The following GFRA1 variants were observed in gnomAD, a reference collection of about 807,000 sequenced individuals.
The protein encoded by GFRA1 is GDNF family receptor alpha 1.
GFRA1 carries 16 observed loss-of-function variants against 51.6 expected under a neutral mutation model. That is an observed-to-expected ratio of 0.31 (90% CI 0.21 to 0.47). GFRA1 has a LOEUF of 0.47. Ranked by LOEUF, GFRA1 falls within the 20% of genes least tolerant of loss-of-function variation. GFRA1 has a pLI of 1.00. For synonymous variants in GFRA1, 270 were observed against 241.3 expected (o/e 1.12, Z -1.10); for missense variants, 530 against 594.3 (o/e 0.89, Z 1.13).
chr10:116,117,523 AGAT>A (rs1957457882), intron 6 of GFRA1, among the ~76,000 whole-genome samples: 1 of 35,814 alleles, frequency 2.8e-5, no homozygotes, highest in Non-Finnish European at 5.3e-5. Flanking sequence ...AGTGCAGGCC[AGAT>A]GGATGGATGG....
rs373344339 is a variant in GFRA1, at chr10:116,271,650, T to G, written c.40+340A>C. Among the ~76,000 whole-genome samples the G allele has an allele frequency of 1.4e-4, 22 of 152,246 alleles. 1 individual carries two copies. The East Asian group carries it at 3.9e-3, about 27-fold the overall frequency. On this transcript the variant is annotated intron_variant, in intron 2 of 10. Coordinates refer to ENST00000355422, the MANE Select transcript of GFRA1 (RefSeq NM_005264.8). ...TCCAAGTTTGCTCTCCCGGCCCCAA[T>G]GCTCCCCAACTCCACCTGCCCGCCG...
intron 5 of GFRA1, among the ~76,000 whole-genome samples, chr10:116,143,820 G>C (rs1286128875): frequency 6.6e-6 from 1 of 152,168 alleles, no homozygotes; most frequent in Non-Finnish European, 1.5e-5. Flanking sequence ...GAAGGGGGCT[G>C]TAATATAAGG....
intron 4 of GFRA1, among the ~76,000 whole-genome samples, chr10:116,236,900 A>G (rs1208726525): frequency 6.6e-6 from 1 of 152,250 alleles, no homozygotes; most frequent in Non-Finnish European, 1.5e-5. Context: ...GGACAACAAT[A>G]ATAGCAAAAA....
chr10:116,204,929 G>A (rs1964614165), intron 5 of GFRA1, among the ~76,000 whole-genome samples: 2 of 152,106 alleles, frequency 1.3e-5, no homozygotes, highest in Admixed American at 6.5e-5. Flanking sequence ...GAAAGGAGGA[G>A]GAAAGTAACC....
At chr10:116,184,133 T>C (rs891090388) in intron 5 of GFRA1, among the ~76,000 whole-genome samples, 1 of 152,134 alleles carries the variant, frequency 6.6e-6, no homozygotes, top group African/African-American at 2.4e-5. Context: ...CAATTGTTCA[T>C]GAAATGCATA....
At chr10:116,245,066 A>G (rs1447567964) in intron 4 of GFRA1, among the ~76,000 whole-genome samples, 6 of 152,196 alleles carry the variant, frequency 3.9e-5, no homozygotes, top group Non-Finnish European at 2.9e-5. Context: ...TAAAAATGCT[A>G]AAAGAAAATA....
At chr10:116,164,496 C>T (rs988090770) in intron 5 of GFRA1, among the ~76,000 whole-genome samples, 1 of 152,154 alleles carries the variant, frequency 6.6e-6, no homozygotes, top group Non-Finnish European at 1.5e-5. Flanking sequence ...ATCAAATAAG[C>T]TCCGGGCAGC....
At chr10:116,118,658 C>T (rs1053141298) in intron 6 of GFRA1, among the ~76,000 whole-genome samples, 7 of 152,184 alleles carry the variant, frequency 4.6e-5, no homozygotes, top group Non-Finnish European at 7.3e-5. Flanking sequence ...CATTCCTTTT[C>T]CATCCGCATT....
intron 4 of GFRA1, among the ~76,000 whole-genome samples, chr10:116,230,807 T>C (rs983337290): frequency 6.6e-6 from 1 of 152,140 alleles, no homozygotes; most frequent in Non-Finnish European, 1.5e-5. Context: ...TAAACTGTTA[T>C]GGAAATAAGT....
At chr10:116,089,449 A>T (rs1956236189) in intron 9 of GFRA1, among the ~76,000 whole-genome samples, 1 of 152,174 alleles carries the variant, frequency 6.6e-6, no homozygotes. Flanking sequence ...CACGCACAGA[A>T]AACTTCAGAG....
At chr10:116,085,199 T>G (rs956496782) in intron 9 of GFRA1, among the ~76,000 whole-genome samples, 2 of 152,240 alleles carry the variant, frequency 1.3e-5, no homozygotes, top group Non-Finnish European at 2.9e-5. Flanking sequence ...CAAACAGAAC[T>G]GCGTTTGGTT....
At chr10:116,250,876 C>A (rs546728966) in intron 4 of GFRA1, among the ~76,000 whole-genome samples, 2 of 152,214 alleles carry the variant, frequency 1.3e-5, no homozygotes, top group Non-Finnish European at 2.9e-5. Flanking sequence ...AGGGACCAGG[C>A]TCCCACCTTA....
intron 4 of GFRA1, among the ~76,000 whole-genome samples, chr10:116,261,201 G>A (rs1969275859): frequency 6.6e-6 from 1 of 152,184 alleles, no homozygotes; most frequent in African/African-American, 2.4e-5. Context: ...GAAATGCCAA[G>A]ATATGGAGGG....
chr10:116,097,864 C>T (rs1447409863), intron 6 of GFRA1, among the ~76,000 whole-genome samples: 3 of 152,172 alleles, frequency 2.0e-5, no homozygotes, highest in Admixed American at 1.3e-4. Context: ...ATGATATAAA[C>T]GAGTTTGGTT....
Position 116,058,916 on chromosome 10 carries a change from G to GA in GFRA1, c.*5481dup, listed in dbSNP as rs1446355640. The GA allele has an allele frequency of 6.6e-6, 1 of 152,176 alleles. No homozygotes were observed. Among genetic ancestry groups the GA allele is most frequent in the Non-Finnish European group, 1.5e-5 (1 of 68,056 alleles). The allele number at this position is 152,176 out of a possible 1,614,324, so 9.4% of individuals were successfully genotyped here. A position where few individuals can be genotyped will look rare whatever the true frequency, so the allele number is the denominator to read the frequency against. On this transcript the variant is annotated 3_prime_UTR_variant, in exon 11 of 11. Coordinates refer to ENST00000355422, the MANE Select transcript of GFRA1 (RefSeq NM_005264.8). ...TTAAAATCTCAGCGGACTAACTGGC[G>GA]AATTTCCCACAAAGTCTACCCCCGT... is the stretch of plus-strand genomic sequence containing the variant.
intron 5 of GFRA1, among the ~76,000 whole-genome samples, chr10:116,188,353 G>A (rs970638135): frequency 6.6e-6 from 1 of 152,200 alleles, no homozygotes; most frequent in Non-Finnish European, 1.5e-5. Context: ...AGTGGAACAG[G>A]CTGGACACAA....
At chr10:116,173,696 C>T (rs780655004) in intron 5 of GFRA1, among the ~76,000 whole-genome samples, 2 of 152,168 alleles carry the variant, frequency 1.3e-5, no homozygotes, top group Non-Finnish European at 2.9e-5. Context: ...AACAGAACCG[C>T]TGCCTTAAAT....
At chr10:116,176,476 G>C (rs1167274469) in intron 5 of GFRA1, among the ~76,000 whole-genome samples, 3 of 152,014 alleles carry the variant, frequency 2.0e-5, no homozygotes, top group Admixed American at 2.0e-4. Flanking sequence ...TTGTTTAAGA[G>C]TGTGTGGCAC....
chr10:116,098,056 ACAAGGCTTGC>A (rs780238127), intron 6 of GFRA1, among the ~76,000 whole-genome samples: 20 of 152,196 alleles, frequency 1.3e-4, no homozygotes, highest in Non-Finnish European at 2.1e-4. Context: ...ACCCTTGTAA[ACAAGGCTTGC>A]CCAGGCTTCC....
Sources: gnomAD v4.1 joint callset for allele counts (sites outside exome capture counted in the v4.1 genomes callset) on GRCh38, gnomAD v4.1.1 for gene constraint, MANE v1.5 for transcripts, NCBI Gene and HGNC (gene_info 2026-07-23, HGNC 2026-07-21) for gene names.